DGKH: variants seen among roughly 807,000 people sequenced by gnomAD.
The protein encoded by DGKH is diacylglycerol kinase eta.
DGKH carries 90 observed loss-of-function variants against 159.3 expected under a neutral mutation model. The ratio of observed to expected loss-of-function variants is 0.57; its 90% CI spans 0.48 to 0.67. DGKH has a LOEUF of 0.67. Among genes scored for constraint, DGKH ranks in the 30% least tolerant of loss-of-function variants. The probability of loss-of-function intolerance (pLI) is 0.00; values close to 1 mark genes in which losing one functional copy is unlikely to be tolerated. For missense variants in DGKH, 1,181 were observed against 1,506.1 expected (o/e 0.78, Z 3.57); for synonymous variants, 536 against 553.8 (o/e 0.97, Z 0.45).
intron 3 of DGKH, among the ~76,000 whole-genome samples, chr13:42,142,830 T>C (rs1282019485): frequency 1.3e-5 from 2 of 152,230 alleles, no homozygotes; most frequent in African/African-American, 4.8e-5. Flanking sequence ...TATGCAATCA[T>C]GTCATCTACA....
At chr13:42,206,608 G>A (rs1458613306) in intron 21 of DGKH, among the ~76,000 whole-genome samples, 1 of 147,764 alleles carries the variant, frequency 6.8e-6, no homozygotes, top group Non-Finnish European at 1.5e-5. Flanking sequence ...GTGTCAGCTG[G>A]GCTGTTGCCT....
intron 1 of DGKH, among the ~76,000 whole-genome samples, chr13:42,077,139 C>T (rs933690694): frequency 6.6e-6 from 1 of 152,060 alleles, no homozygotes; most frequent in Non-Finnish European, 1.5e-5. Flanking sequence ...TGTAATAATT[C>T]TTCCACTAGA....
intron 3 of DGKH, among the ~76,000 whole-genome samples, chr13:42,134,685 C>G (rs1229084393): frequency 1.3e-5 from 2 of 152,104 alleles, no homozygotes; most frequent in African/African-American, 4.8e-5. Context: ...GCCTGGCCAA[C>G]ATGGTGAAAC....
intron 1 of DGKH, among the ~76,000 whole-genome samples, chr13:42,079,798 T>G (rs1028182928): frequency 6.6e-6 from 1 of 152,252 alleles, no homozygotes. Flanking sequence ...TACCACAGTT[T>G]GTGCACTTCT....
intron 1 of DGKH, among the ~76,000 whole-genome samples, chr13:42,058,443 G>T (rs553102980): frequency 7.2e-5 from 11 of 151,928 alleles, no homozygotes; most frequent in Non-Finnish European, 1.0e-4. Flanking sequence ...ATATAAACCA[G>T]CTGTTGTCAT....
chr13:42,180,652 T>C (rs1275543296), intron 13 of DGKH, among the ~76,000 whole-genome samples: 1 of 152,210 alleles, frequency 6.6e-6, no homozygotes, highest in Non-Finnish European at 1.5e-5. Flanking sequence ...CCTAACCAGC[T>C]TGCCTGCCCT....
intron 1 of DGKH, among the ~76,000 whole-genome samples, chr13:42,062,758 C>T (rs756376030): frequency 2.6e-5 from 4 of 152,162 alleles, no homozygotes; most frequent in African/African-American, 7.2e-5. Flanking sequence ...GTTTTAGTTA[C>T]GGCCAACTTC....
At chr13:42,255,342 T>C (rs2138342441) in intron 30 of DGKH, among the ~76,000 whole-genome samples, 1 of 152,258 alleles carries the variant, frequency 6.6e-6, no homozygotes, top group South Asian at 2.1e-4. Flanking sequence ...GACTTTCAGT[T>C]CTAGTTATTT....
intron 1 of DGKH, among the ~76,000 whole-genome samples, chr13:42,086,063 A>G (rs1594007074): frequency 6.6e-6 from 1 of 152,036 alleles, no homozygotes; most frequent in East Asian, 1.9e-4. Context: ...GATTACAGGC[A>G]TGCACCACTA....
chr13:42,255,942 C>T (rs1958654229), intron 30 of DGKH: 12 of 1,602,156 alleles, frequency 7.5e-6, no homozygotes, highest in Non-Finnish European at 1.0e-5. Context: ...AAATTTGAAG[C>T]TCTGGCTGCT....
upstream of DGKH, chr13:42,043,668 C>T (rs1379643697): frequency 6.6e-6 from 1 of 152,070 alleles, no homozygotes; most frequent in Non-Finnish European, 1.5e-5. Context: ...AATGCTTTAC[C>T]ATAAAAGTAT....
Position 42,099,789 on chromosome 13 carries a change from A to G in DGKH, c.193-27674A>G, listed in dbSNP as rs544740923. Among the ~76,000 whole-genome samples the G allele has an allele frequency of 1.5e-4, 23 of 152,308 alleles. No homozygotes were observed. In the South Asian group the frequency reaches 4.8e-3, roughly 32 times the overall value. On this transcript the variant is annotated intron_variant, in intron 1 of 29. Transcript: ENST00000337343. ...AATGTGTTGTCGAAAATGATAAAGC[A>G]AGATGATGGAGTTGGGGACTTTGGG...
intron 1 of DGKH, among the ~76,000 whole-genome samples, chr13:42,108,990 T>G (rs755425360): frequency 6.6e-6 from 1 of 152,132 alleles, no homozygotes; most frequent in Non-Finnish European, 1.5e-5. Flanking sequence ...AAATAAGATA[T>G]GCCAACGGGA....
At position 42,130,011 on chromosome 13, in the gene DGKH, T is replaced by C. The variant is rs936324215; in HGVS notation, c.384+379T>C. Among the ~76,000 whole-genome samples the C allele has an allele frequency of 3.9e-5, 6 of 152,230 alleles. No homozygotes were observed. In the South Asian group the frequency reaches 1.2e-3, roughly 32 times the overall value. ...CTACTTTCACTCCATTTCACCCCAGTTGCCATCGTTCAGGCAGTTGCCATA... is the reference window on the plus strand; with the variant it reads ...CTACTTTCACTCCATTTCACCCCAGCTGCCATCGTTCAGGCAGTTGCCATA... On this transcript the variant is annotated intron_variant, in intron 3 of 29. Coordinates refer to ENST00000337343, the MANE Select transcript of DGKH (RefSeq NM_178009.5).
At chr13:42,168,947 T>C in intron 11 of DGKH, 129 bp downstream of exon 11, 1 of 1,045,224 alleles carries the variant, frequency 9.6e-7, no homozygotes, top group Non-Finnish European at 1.3e-6. Context: ...AGAGCCTTCC[T>C]GATCTTGTCC....
chr13:42,124,176 T>G (rs1955127193), intron 1 of DGKH, among the ~76,000 whole-genome samples: 1 of 152,156 alleles, frequency 6.6e-6, no homozygotes. Context: ...TACAAAATAA[T>G]TAGATGATTA....
intron 1 of DGKH, among the ~76,000 whole-genome samples, chr13:42,112,892 C>T (rs1229847190): frequency 6.6e-6 from 1 of 152,210 alleles, no homozygotes; most frequent in Non-Finnish European, 1.5e-5. Flanking sequence ...TTCTTCTCTG[C>T]CCGTGTCCAG....
At chr13:42,210,219 G>A (rs1418843802) in intron 23 of DGKH, among the ~76,000 whole-genome samples, 1 of 151,510 alleles carries the variant, frequency 6.6e-6, no homozygotes, top group Non-Finnish European at 1.5e-5. Flanking sequence ...TGCACATGCT[G>A]GAGTACAGTG....
At chr13:42,086,106 TG>T (rs975062922) in intron 1 of DGKH, among the ~76,000 whole-genome samples, 2 of 152,058 alleles carry the variant, frequency 1.3e-5, no homozygotes, top group African/African-American at 4.8e-5. Flanking sequence ...TTAGTAAAGA[TG>T]GGGTTTCATC....
Sources: allele counts gnomAD v4.1 joint callset (sites outside exome capture counted in the v4.1 genomes callset), GRCh38; gene constraint gnomAD v4.1.1; transcripts MANE v1.5; gene names NCBI Gene and HGNC (gene_info 2026-07-23, HGNC 2026-07-21).